The following SOS2 variants were observed in gnomAD, a reference collection of about 807,000 sequenced individuals.
SOS2 encodes the protein SOS Ras/Rho guanine nucleotide exchange factor 2.
Under a neutral mutation model 148.2 loss-of-function variants are expected in SOS2, and 65 were observed. The observed-to-expected ratio is 0.44, with a 90% CI of 0.36 to 0.54. The LOEUF (loss-of-function observed/expected upper bound fraction) is 0.54. SOS2 is among the 20% of genes least tolerant of loss of function. The pLI is 0.00. For synonymous variants in SOS2, 539 were observed against 537.1 expected (o/e 1.00, Z -0.05); for missense variants, 1,341 against 1,590.2 (o/e 0.84, Z 2.67).
intron 1 of SOS2, among the ~76,000 whole-genome samples, chr14:50,214,316 A>C (rs1886975859): frequency 6.6e-6 from 1 of 151,912 alleles, no homozygotes; most frequent in African/African-American, 2.4e-5. Flanking sequence ...CCAATAATAA[A>C]AAAAAAAAAT....
chr14:50,171,702 AAAAAAAAT>A (rs1885371612), intron 8 of SOS2, among the ~76,000 whole-genome samples: 1 of 150,986 alleles, frequency 6.6e-6, no homozygotes, highest in African/African-American at 2.4e-5. Flanking sequence ...AAAAAAAAAA[AAAAAAAAT>A]TCAACGGTCT....
chr14:50,152,198 C>T (rs539027034), intron 13 of SOS2, among the ~76,000 whole-genome samples: 1 of 152,164 alleles, frequency 6.6e-6, no homozygotes, highest in East Asian at 1.9e-4. Flanking sequence ...ATTTGTAATG[C>T]CCTATAATGT....
intron 1 of SOS2, among the ~76,000 whole-genome samples, chr14:50,213,890 G>GA (rs1242909114): frequency 2.1e-3 from 172 of 80,652 alleles, no homozygotes; most frequent in Middle Eastern, 6.8e-3. Flanking sequence ...TCCCTGCCAA[G>GA]AAAAAAAAAA....
intron 1 of SOS2, chr14:50,215,602 C>T (rs1041201863): frequency 5.6e-6 from 2 of 354,830 alleles, no homozygotes; most frequent in Non-Finnish European, 7.9e-6. Context: ...TGCCAGAAGG[C>T]ATTTCCTTAC....
At chr14:50,223,045 G>T (rs986413112) in intron 1 of SOS2, among the ~76,000 whole-genome samples, 1 of 152,134 alleles carries the variant, frequency 6.6e-6, no homozygotes, top group African/African-American at 2.4e-5. Flanking sequence ...GTTTGAGGTA[G>T]AGCTAAAAGG....
At chr14:50,194,217 C>T (rs1041890716) in intron 4 of SOS2, among the ~76,000 whole-genome samples, 1 of 152,194 alleles carries the variant, frequency 6.6e-6, no homozygotes, top group Admixed American at 6.5e-5. Context: ...TTTATGGCTG[C>T]TTTCATGCTA....
intron 1 of SOS2, among the ~76,000 whole-genome samples, chr14:50,220,181 A>C (rs1887157137): frequency 6.6e-6 from 1 of 151,304 alleles, no homozygotes; most frequent in Non-Finnish European, 1.5e-5. Context: ...CGGGCAGATC[A>C]CGAGGTCAGG....
At chr14:50,177,576 C>G (rs900575501) in intron 7 of SOS2, among the ~76,000 whole-genome samples, 2 of 151,830 alleles carry the variant, frequency 1.3e-5, no homozygotes, top group Non-Finnish European at 2.9e-5. Flanking sequence ...AGGACTGAAA[C>G]AAGAAATGTG....
rs1439656850 is a variant in SOS2 at position 50,118,675 on chromosome 14, G to T, written c.3668C>A (p.Pro1223His). The part of the protein sequence containing the change: ...PDTPPPVPLR[P>H]PEHFINCPFN... ...TGGACAGTTTATAAAGTGTTCTGGA[G>T]GCCGAAGGGGAACTGGTGGAGGGGT... Residue 1223 changes from proline to histidine, a missense_variant, in exon 23 of 23, where the codon CCT (proline) becomes CAT (histidine). Pro to His is a moderately conservative substitution (Grantham distance 77). Transcript: ENST00000216373. 1 of 1,613,820 alleles carries T rather than the reference G, an allele frequency of 6.2e-7. No individual in the cohort carries two copies. Among genetic ancestry groups the T allele is most frequent in the Admixed American group, 1.7e-5 (1 of 59,976 alleles).
intron 21 of SOS2, among the ~76,000 whole-genome samples, chr14:50,126,466 C>A (rs572176622): frequency 6.6e-6 from 1 of 151,862 alleles, no homozygotes; most frequent in African/African-American, 2.4e-5. Flanking sequence ...AGATTGTACC[C>A]CATAAACATA....
In SOS2 at chr14:50,161,586, T is replaced by C. The variant is rs555374965; in HGVS notation, c.1092A>G (p.Glu364=). The change falls in exon 9 of 23, where the codon GAA becomes GAG. Residue 364 remains glutamate (E), a synonymous_variant. Coordinates refer to ENST00000216373, the MANE Select transcript of SOS2 (RefSeq NM_006939.4). ...GGTTCAAACATTCTCTGTCTTCTTG[T>C]TCTTCACTACATGCTTTCAATTGCT... The part of the protein sequence containing the change: ...LLKQLKACSE[E]QEDRECLNQA... 3 of 1,613,150 alleles carry C rather than the reference T, an allele frequency of 1.9e-6. No individual in the cohort carries two copies. Among genetic ancestry groups the C allele is most frequent in the Admixed American group, 3.3e-5 (2 of 59,948 alleles).
intron 21 of SOS2, among the ~76,000 whole-genome samples, chr14:50,129,214 G>GT (rs891049803): frequency 2.6e-5 from 4 of 151,848 alleles, no homozygotes; most frequent in Admixed American, 2.6e-4. Flanking sequence ...ATAAGATGAT[G>GT]TAAAAAAAAA....
chr14:50,208,316 C>A (rs1156337435), intron 1 of SOS2, among the ~76,000 whole-genome samples: 2 of 151,682 alleles, frequency 1.3e-5, no homozygotes, highest in African/African-American at 4.8e-5. Context: ...AATAAAAAAT[C>A]TCTTTGTGAA....
Position 50,118,796 on chromosome 14 carries a change from G to A in SOS2, c.3547C>T (p.Pro1183Ser), listed in dbSNP as rs139401491. The change falls in exon 23 of 23, where the codon CCA becomes TCA. Residue 1183 changes from proline to serine, a missense_variant. Around this residue, in one of 4 missense-constraint regions of SOS2, gnomAD observed 354 missense variants for 347.7 expected, o/e 1.02. Coordinates refer to ENST00000216373, the MANE Select transcript of SOS2 (RefSeq NM_006939.4). ...PAIPPRQPPP[P>S]KVKPRVPVPT... ...ACAGGAACTCTGGGTTTTACCTTTG[G>A]AGGAGGAGGCTGTCTCGGTGGAATA... 6.3e-5 allele frequency: 99 copies of A among 1,566,460 alleles called. No homozygotes were observed. Among genetic ancestry groups the A allele is most frequent in the Non-Finnish European group, 8.3e-5 (96 of 1,150,666 alleles).
intron 7 of SOS2, among the ~76,000 whole-genome samples, chr14:50,175,428 C>CTTT (rs71441277): frequency 2.5e-5 from 3 of 119,822 alleles, no homozygotes; most frequent in East Asian, 2.5e-4. Context: ...AGGAGTAATA[C>CTTT]TTTTTTTTTT....
chr14:50,184,568 A>T (rs1381349665), intron 5 of SOS2, among the ~76,000 whole-genome samples: 3 of 152,124 alleles, frequency 2.0e-5, no homozygotes, highest in Non-Finnish European at 4.4e-5. Context: ...AGAGGATTGA[A>T]GGGTTACTTG....
chr14:50,170,129 C>T (rs1885313526), intron 8 of SOS2, among the ~76,000 whole-genome samples: 1 of 148,700 alleles, frequency 6.7e-6, no homozygotes, highest in African/African-American at 2.5e-5. Flanking sequence ...GACAAGGTCT[C>T]ACTTTGTTGC....
chr14:50,119,727 G>A (rs1238097672), intron 22 of SOS2, among the ~76,000 whole-genome samples: 1 of 150,774 alleles, frequency 6.6e-6, no homozygotes, highest in Admixed American at 6.6e-5. Context: ...GTAGAGACAG[G>A]GTTTCACCAT....
intron 14 of SOS2, among the ~76,000 whole-genome samples, chr14:50,147,417 C>G (rs139231318): frequency 0.011 from 1,652 of 147,448 alleles, 30 homozygotes; most frequent in African/African-American, 0.038. Flanking sequence ...GAGGCTGAGG[C>G]AGGAGGATTG....
Sources: allele counts gnomAD v4.1 joint callset (sites outside exome capture counted in the v4.1 genomes callset), GRCh38; gene constraint gnomAD v4.1.1; regional missense constraint gnomAD v4.1.1; transcripts MANE v1.5; gene names NCBI Gene and HGNC (gene_info 2026-07-23, HGNC 2026-07-21).